ABLIM1: variants seen among roughly 807,000 people sequenced by gnomAD.
ABLIM1 encodes actin binding LIM protein 1.
ABLIM1 carries 40 observed loss-of-function variants against 107.0 expected under a neutral mutation model. That is an observed-to-expected ratio of 0.37 (90% CI 0.29 to 0.49). The LOEUF is 0.49. ABLIM1 is among the 20% of genes least tolerant of loss of function. The pLI is 0.97. For missense variants in ABLIM1, 857 were observed against 1,008.5 expected (o/e 0.85, Z 2.04); for synonymous variants, 357 against 357.3 (o/e 1.00, Z 0.01).
At position 114,624,372 on chromosome 10, in the gene ABLIM1, T is replaced by C. The variant is rs185716323; in HGVS notation, c.245-22411A>G. On this transcript the variant is annotated intron_variant, in intron 1 of 22. Transcript: ENST00000533213. ...AATGAATCAAATGCCAAGATATGCT[T>C]CTTGGTGGGGTGAGTCTCTTGCAGT... Among the ~76,000 whole-genome samples the C allele has an allele frequency of 4.6e-5, 7 of 152,340 alleles. No individual in the cohort carries two copies. In the East Asian group the frequency reaches 1.3e-3, roughly 29 times the overall value.
rs79694308 is a variant in ABLIM1 at position 114,706,526 on chromosome 10, T to C, written c.-213+61535A>G. On this transcript the variant is annotated intron_variant, in intron 1 of 15. Coordinates refer to the ABLIM1 transcript ENST00000651092. The stretch of plus-strand genomic sequence containing the variant: ...GCTGGAAGCACAAACAATAAACAAC[T>C]ATAAATCCCAGCACCAAATTTTTCC... Among the ~76,000 whole-genome samples the C allele has an allele frequency of 4.9e-3, 740 of 152,280 alleles. 6 individuals carry two copies. Among genetic ancestry groups the C allele is most frequent in the African/African-American group, 0.017 (719 of 41,562 alleles).
intron 2 of ABLIM1, among the ~76,000 whole-genome samples, chr10:114,592,805 C>A (rs1333517127): frequency 2.6e-5 from 4 of 152,048 alleles, no homozygotes; most frequent in African/African-American, 9.7e-5. Context: ...AGGCTCTTAA[C>A]CTGAGCAAGT....
At chr10:114,461,557 G>C (rs1050030160) in intron 12 of ABLIM1, among the ~76,000 whole-genome samples, 1 of 151,972 alleles carries the variant, frequency 6.6e-6, no homozygotes, top group African/African-American at 2.4e-5. Flanking sequence ...GATAGCTCAC[G>C]CCTGTAATCC....
chr10:114,593,810 A>G lies in ABLIM1; in HGVS notation c.379+8017T>C, dbSNP rs1449891543. On this transcript the variant is annotated intron_variant, in intron 2 of 22. Transcript: ENST00000533213. ...AATCAGTAAGCAGTGTTATTTTGGA[A>G]AGATTACAAGACCTTACCCTGTTCC... 4.6e-5 allele frequency among the ~76,000 whole-genome samples: 7 copies of G among 152,338 alleles called. No individual in the cohort carries two copies. The East Asian group carries it at 1.3e-3, about 29-fold the overall frequency.
chr10:114,721,170 T>C (rs1332768848), intron 1 of ABLIM1, among the ~76,000 whole-genome samples: 1 of 152,242 alleles, frequency 6.6e-6, no homozygotes, highest in Non-Finnish European at 1.5e-5. Context: ...CACTGGAGGA[T>C]TAACTGTGTT....
intron 1 of ABLIM1, among the ~76,000 whole-genome samples, chr10:114,693,653 TTTTTTTTCTTTC>T (rs1689220703): frequency 1.3e-5 from 2 of 152,014 alleles, no homozygotes; most frequent in Admixed American, 1.3e-4. Flanking sequence ...TTATTTCTTT[TTTTTTTTCTTTC>T]AGAAACAGGG....
chr10:114,787,645 G>A, the ABLIM1 span, among the ~76,000 whole-genome samples: 1 of 133,546 alleles, frequency 7.5e-6, no homozygotes. Context: ...CTGCCCGGCC[G>A]CCCCTACTGG....
At chr10:114,755,761 G>A (rs1265388931) in intron 1 of ABLIM1, among the ~76,000 whole-genome samples, 1 of 152,224 alleles carries the variant, frequency 6.6e-6, no homozygotes, top group Non-Finnish European at 1.5e-5. Context: ...TGACTTAACT[G>A]TCCTGGGGCA....
chr10:114,444,435 GT>G (rs1422261462), intron 16 of ABLIM1, among the ~76,000 whole-genome samples: 2 of 152,306 alleles, frequency 1.3e-5, no homozygotes, highest in East Asian at 3.9e-4. Context: ...GCATGTGTGA[GT>G]GTGTGTGGAT....
chr10:114,717,425 G>A (rs2081695308), intron 1 of ABLIM1, among the ~76,000 whole-genome samples: 1 of 152,112 alleles, frequency 6.6e-6, no homozygotes, highest in South Asian at 2.1e-4. Flanking sequence ...TTGACATTTG[G>A]GGCTGGATAA....
the ABLIM1 span, among the ~76,000 whole-genome samples, chr10:114,795,792 A>C: frequency 6.6e-6 from 1 of 152,154 alleles, no homozygotes; most frequent in South Asian, 2.1e-4. Context: ...CAATTCTTCC[A>C]GAAATTGTGG....
At chr10:114,795,206 C>T in the ABLIM1 span, among the ~76,000 whole-genome samples, 1 of 151,934 alleles carries the variant, frequency 6.6e-6, no homozygotes, top group East Asian at 1.9e-4. Context: ...CTATGGCATG[C>T]AAATAGAAGA....
chr10:114,791,812 C>A, the ABLIM1 span, among the ~76,000 whole-genome samples: 1 of 151,910 alleles, frequency 6.6e-6, no homozygotes, highest in Non-Finnish European at 1.5e-5. Context: ...TAAAAGGAAC[C>A]CTTACACTCT....
chr10:114,766,654 T>C (rs1032187108), intron 1 of ABLIM1, among the ~76,000 whole-genome samples: 1 of 152,150 alleles, frequency 6.6e-6, no homozygotes, highest in Non-Finnish European at 1.5e-5. Context: ...TTGGGTGCTG[T>C]AAAGCTGAAT....
At chr10:114,464,617 G>A (rs967436869) in intron 12 of ABLIM1, among the ~76,000 whole-genome samples, 1 of 152,182 alleles carries the variant, frequency 6.6e-6, no homozygotes, top group African/African-American at 2.4e-5. Context: ...TTCATTTAAT[G>A]TAATTCAATA....
chr10:114,440,796 G>T, intron 19 of ABLIM1: 2 of 653,158 alleles, frequency 3.1e-6, no homozygotes, highest in Non-Finnish European at 5.6e-6. Context: ...CACATAGTAT[G>T]AGCAATGAAT....
At chr10:114,523,330 C>A (rs1284064078) in intron 6 of ABLIM1, among the ~76,000 whole-genome samples, 1 of 152,088 alleles carries the variant, frequency 6.6e-6, no homozygotes, top group African/African-American at 2.4e-5. Context: ...GCCCTGATAA[C>A]CTGGTTCAGA....
At chr10:114,583,460 CACACACACATATATATATAT>C (rs1459678455) in intron 2 of ABLIM1, among the ~76,000 whole-genome samples, 79 of 10,150 alleles carry the variant, frequency 7.8e-3, no homozygotes, top group African/African-American at 0.012. Context: ...CACACACACA[CACACACACATATATATATAT>C]ATATATATAT....
chr10:114,514,298 CAAAA>C (rs56189382), intron 6 of ABLIM1, among the ~76,000 whole-genome samples: 2 of 119,980 alleles, frequency 1.7e-5, no homozygotes. Context: ...GACTCTGTCT[CAAAA>C]AAAAAAAAAA....
Sources: gnomAD v4.1 joint callset for allele counts (sites outside exome capture counted in the v4.1 genomes callset) on GRCh38, gnomAD v4.1.1 for gene constraint, MANE v1.5 for transcripts, NCBI Gene and HGNC (gene_info 2026-07-23, HGNC 2026-07-21) for gene names.